CWF19L1: variants seen among roughly 807,000 people sequenced by gnomAD.
CWF19L1 encodes CWF19 like cell cycle control factor 1.
Under a neutral mutation model 69.7 loss-of-function variants are expected in CWF19L1, and 60 were observed. The observed-to-expected ratio is 0.86, with a 90% CI of 0.70 to 1.07. The LOEUF (loss-of-function observed/expected upper bound fraction) is 1.07, where lower values mean the gene tolerates loss of function less well. Among genes scored for constraint, CWF19L1 ranks in the 50% least tolerant of loss-of-function variants. CWF19L1 has a pLI of 0.00. For synonymous variants in CWF19L1, 209 were observed against 222.2 expected, an observed-to-expected ratio of 0.94 and a Z score of 0.53; for missense variants, 591 against 638.9, an observed-to-expected ratio of 0.92 and a Z score of 0.81.
chr10:100,258,010 G>C (rs1186560738), intron 4 of CWF19L1, among the ~76,000 whole-genome samples: 1 of 152,130 alleles, frequency 6.6e-6, no homozygotes, highest in Admixed American at 6.6e-5. Flanking sequence ...GGCTGAGGCA[G>C]CTGGATCACC....
At chr10:100,251,459 A>G (rs1354296151) in intron 6 of CWF19L1, among the ~76,000 whole-genome samples, 2 of 148,090 alleles carry the variant, frequency 1.4e-5, no homozygotes, top group African/African-American at 5.0e-5. Context: ...GATTTACATT[A>G]CCATAATGGC....
chr10:100,247,691 T>TA (rs1846873279), intron 7 of CWF19L1, among the ~76,000 whole-genome samples: 1 of 152,160 alleles, frequency 6.6e-6, no homozygotes, highest in South Asian at 2.1e-4. Flanking sequence ...GGTCAGGAGA[T>TA]AGAGACCAGC....
At chr10:100,261,135 T>G (rs185891709) in intron 2 of CWF19L1, 91 bp from the exon 3 acceptor site, 6 of 813,098 alleles carry the variant, frequency 7.4e-6, no homozygotes, top group African/African-American at 7.0e-5. Flanking sequence ...ATTTAATAGT[T>G]TCAAATCAGT....
rs147485305 is a variant in CWF19L1 at position 100,249,162 on chromosome 10, A to G, written c.708+1086T>C. On this transcript the variant is annotated intron_variant, in intron 7 of 13. Coordinates refer to ENST00000354105, the MANE Select transcript of CWF19L1 (RefSeq NM_018294.6). ...GTCTTCCTTCTGCCCCAACCCTAGA[A>G]ATCACTATGAAATTTCATGATTGGC... 1,780 of 343,696 alleles carry G rather than the reference A, an allele frequency of 5.2e-3. 30 individuals are homozygous for G. Among genetic ancestry groups the G allele is most frequent in the African/African-American group, 0.035 (1,675 of 48,058 alleles). The allele number at this position is 343,696 out of a possible 1,614,324, so 21.3% of individuals were successfully genotyped here.
chr10:100,246,873 C>T lies in CWF19L1; in HGVS notation c.771G>A (p.Gln257=), dbSNP rs768679176. ...KLMDAAELVK[Q]PPDVTENPYR... ...AAGGGTTTTCAGTGACATCCGGAGG[C>T]TGTTTTACCAGTTCTGCTGCATCCA... The change falls in exon 8 of 14, where the codon CAG becomes CAA. Residue 257 remains glutamine (Q), a synonymous_variant. Transcript: ENST00000354105. 7 of 1,613,840 alleles carry T rather than the reference C, an allele frequency of 4.3e-6. No homozygotes were observed. The highest frequency in any genetic ancestry group is 5.9e-6 in the Non-Finnish European group (7 of 1,179,860).
chr10:100,245,492 A>C (rs1464134754), intron 9 of CWF19L1, among the ~76,000 whole-genome samples: 1 of 152,230 alleles, frequency 6.6e-6, no homozygotes. Flanking sequence ...CCCCTAGAGA[A>C]CCATACCTAT....
At chr10:100,257,287 C>CTTTTTTT (rs55939570) in intron 4 of CWF19L1, among the ~76,000 whole-genome samples, 62 of 105,832 alleles carry the variant, frequency 5.9e-4, no homozygotes, top group Non-Finnish European at 8.4e-4. Flanking sequence ...AGTGCTTTAC[C>CTTTTTTT]TTTTTTTTTT....
At chr10:100,249,540 A>G (rs1478758031) in intron 7 of CWF19L1, among the ~76,000 whole-genome samples, 1 of 152,100 alleles carries the variant, frequency 6.6e-6, no homozygotes, top group Admixed American at 6.5e-5. Context: ...GATTTCCCTC[A>G]GGAAATCTTA....
chr10:100,253,876 G>GT (rs1335634014), intron 5 of CWF19L1: 7 of 182,618 alleles, frequency 3.8e-5, no homozygotes, highest in African/African-American at 1.0e-4. Context: ...TCTAGTTTTG[G>GT]TTTGTTTTTT....
intron 1 of CWF19L1, among the ~76,000 whole-genome samples, chr10:100,265,346 TAG>T (rs1478334447): frequency 6.6e-6 from 1 of 151,984 alleles, no homozygotes; most frequent in African/African-American, 2.4e-5. Context: ...AAATTTAATA[TAG>T]GTGAAGTGTA....
chr10:100,260,222 A>G lies in CWF19L1; in HGVS notation c.285T>C (p.Tyr95=). 1.3e-6 allele frequency: 2 copies of G among 1,590,752 alleles called. No homozygotes were observed. The highest frequency in any genetic ancestry group is 1.7e-6 in the Non-Finnish European group (2 of 1,163,372). The stretch of plus-strand genomic sequence containing the variant: ...ATACAACAAGTATCAGCTTACCCAG[A>G]TAAGTAATGTTTTCAGCTAATTCAC... ...DGCELAENIT[Y]LGRKGIFTGS... is the part of the protein sequence containing the mutation. The change falls in exon 4 of 14, where the codon TAT becomes TAC. Residue 95 remains tyrosine (Y), a synonymous_variant. Coordinates refer to ENST00000354105, the MANE Select transcript of CWF19L1 (RefSeq NM_018294.6).
chr10:100,267,619 TG>T lies in CWF19L1; in HGVS notation c.-27del, dbSNP rs771182686. The stretch of plus-strand genomic sequence containing the variant: ...CTGTCCGAATAGTATGGGTTGCGAC[TG>T]CCACCTAAAATTGGGAATGCGAATC... On this transcript the variant is annotated 5_prime_UTR_variant, in exon 1 of 14. Transcript: ENST00000354105. 5.6e-5 allele frequency: 90 copies of T among 1,614,152 alleles called. No homozygotes were observed. The African/African-American group carries it at 1.0e-3, about 19-fold the overall frequency.
intron 4 of CWF19L1, 38 bp downstream of exon 4, chr10:100,260,180 C>CAAAAAAA: frequency 6.9e-7 from 1 of 1,450,050 alleles, no homozygotes; most frequent in Non-Finnish European, 9.5e-7. Context: ...AAACAAAAAA[C>CAAAAAAA]AAAAAACAAA....
chr10:100,233,503 G>A (rs1846341103), intron 13 of CWF19L1, 132 bp from the exon 14 acceptor site: 1 of 789,902 alleles, frequency 1.3e-6, no homozygotes, highest in African/African-American at 1.7e-5. Context: ...CCATACTATT[G>A]ATCAAAATCA....
chr10:100,263,603 CG>C (rs1564864397), intron 1 of CWF19L1, among the ~76,000 whole-genome samples: 1 of 152,218 alleles, frequency 6.6e-6, no homozygotes. Context: ...AGTTGTCACA[CG>C]GAATTACCAT....
Position 100,233,099 on chromosome 10 carries a change from A to T in CWF19L1, c.*128T>A. On this transcript the variant is annotated 3_prime_UTR_variant, in exon 14 of 14. Coordinates refer to ENST00000354105, the MANE Select transcript of CWF19L1 (RefSeq NM_018294.6). ...GGAGGTTGAGGCTACAGTGAGCCACAGTTATGCCACTGCAATCCTGCTTGG... is the reference window on the plus strand; with the variant it reads ...GGAGGTTGAGGCTACAGTGAGCCACTGTTATGCCACTGCAATCCTGCTTGG... 2 of 935,198 alleles carry T rather than the reference A, an allele frequency of 2.1e-6. No homozygotes were observed. The highest frequency in any genetic ancestry group is 3.1e-6 in the Non-Finnish European group (2 of 652,738). 57.9% of individuals were successfully genotyped at this position (935,198 alleles called of 1,614,324 possible).
At position 100,253,530 on chromosome 10, in the gene CWF19L1, C is replaced by T; in HGVS notation, c.514G>A (p.Asp172Asn). The change falls in exon 6 of 14, where the codon GAT becomes AAT. Residue 172 changes from aspartate to asparagine, a missense_variant. Physicochemically the swap from Asp to Asn is conservative, Grantham distance 23. Coordinates refer to ENST00000354105, the MANE Select transcript of CWF19L1 (RefSeq NM_018294.6). ...GNFGNSSGEV[D>N]TKKCGSALVS... Reference sequence around the variant, plus strand: ...AAAGCAGAACCACATTTTTTGGTATCCACTTCTCCCTAGTAAACAAAAACT... The same window carrying T: ...AAAGCAGAACCACATTTTTTGGTATTCACTTCTCCCTAGTAAACAAAAACT... 6.2e-7 allele frequency: 1 copy of T among 1,608,608 alleles called. No homozygotes were observed. The highest frequency in any genetic ancestry group is 2.2e-5 in the East Asian group (1 of 44,850).
intron 12 of CWF19L1, 49 bp downstream of exon 12, chr10:100,236,801 A>C (rs1057389442): frequency 9.1e-6 from 14 of 1,536,944 alleles, no homozygotes; most frequent in African/African-American, 1.4e-5. Context: ...ACAACAACAA[A>C]AAAAACAGAT....
intron 4 of CWF19L1, among the ~76,000 whole-genome samples, chr10:100,257,158 T>A (rs1847238919): frequency 1.3e-5 from 2 of 152,190 alleles, no homozygotes; most frequent in Non-Finnish European, 1.5e-5. Context: ...CTGAGTCTAC[T>A]CAGCTGGCGC....
Sources: allele counts gnomAD v4.1 joint callset (sites outside exome capture counted in the v4.1 genomes callset), GRCh38; gene constraint gnomAD v4.1.1; transcripts MANE v1.5; gene names NCBI Gene and HGNC (gene_info 2026-07-23, HGNC 2026-07-21).